The following LRP1B variants were observed in gnomAD, a reference collection of about 807,000 sequenced individuals.
LRP1B encodes low-density lipoprotein receptor-related protein 1B.
LRP1B carries 217 observed loss-of-function variants against 556.6 expected under a neutral mutation model. The observed-to-expected ratio is 0.39, with a 90% CI of 0.35 to 0.44. LRP1B has a LOEUF of 0.44. Ranked by LOEUF, LRP1B falls within the 20% of genes least tolerant of loss-of-function variation. The pLI, the probability that LRP1B is intolerant of heterozygous loss-of-function variation, is 1.00. For synonymous variants in LRP1B, 2,047 were observed against 1,865.8 expected (o/e 1.10, Z -2.50); for missense variants, 5,053 against 5,620.8 (o/e 0.90, Z 3.23).
intron 3 of LRP1B, among the ~76,000 whole-genome samples, chr2:141,260,341 T>C (rs1684638021): frequency 6.6e-6 from 1 of 152,214 alleles, no homozygotes; most frequent in African/African-American, 2.4e-5. Context: ...CTAATTTGCA[T>C]AGCTTTTAGG....
At chr2:140,507,501 A>T (rs1027527021) in intron 52 of LRP1B, among the ~76,000 whole-genome samples, 5 of 152,188 alleles carry the variant, frequency 3.3e-5, no homozygotes, top group Non-Finnish European at 5.9e-5. Flanking sequence ...GCCCCTCCGT[A>T]AGTACCACAC....
intron 20 of LRP1B, among the ~76,000 whole-genome samples, chr2:140,928,793 G>A (rs1203313202): frequency 1.3e-5 from 2 of 152,082 alleles, no homozygotes; most frequent in Non-Finnish European, 2.9e-5. Flanking sequence ...TGACGAGAAA[G>A]AGCTAGCCAT....
At chr2:141,610,326 A>ACTTTAAAACTTAAGT (rs148561392) in intron 2 of LRP1B, among the ~76,000 whole-genome samples, 1 of 147,452 alleles carries the variant, frequency 6.8e-6, no homozygotes, top group Non-Finnish European at 1.5e-5. Context: ...AAAGTATAAT[A>ACTTTAAAACTTAAGT]ATAATAATAA....
chr2:141,131,531 C>T (rs1319789312), intron 7 of LRP1B, among the ~76,000 whole-genome samples: 2 of 148,848 alleles, frequency 1.3e-5, no homozygotes, highest in African/African-American at 4.9e-5. Context: ...CTCTTTTTTC[C>T]AATGGGAAGA....
chr2:140,391,481 A>T (rs1451489619), intron 66 of LRP1B, among the ~76,000 whole-genome samples: 2 of 139,724 alleles, frequency 1.4e-5, no homozygotes, highest in Non-Finnish European at 3.3e-5. Context: ...ACTGTAGAAG[A>T]AACTCATCAA....
intron 67 of LRP1B, among the ~76,000 whole-genome samples, chr2:140,384,511 C>T (rs1179193213): frequency 6.6e-6 from 1 of 152,204 alleles, no homozygotes; most frequent in East Asian, 1.9e-4. Context: ...AGACTGTGAC[C>T]TGTTAGAAGA....
chr2:142,004,822 A>T (rs1702754158), intron 1 of LRP1B, among the ~76,000 whole-genome samples: 1 of 152,018 alleles, frequency 6.6e-6, no homozygotes, highest in Non-Finnish European at 1.5e-5. Flanking sequence ...ACTGCACTCC[A>T]GTCTGGGCGA....
intron 53 of LRP1B, among the ~76,000 whole-genome samples, chr2:140,506,241 T>A (rs1370236310): frequency 1.4e-5 from 2 of 142,690 alleles, no homozygotes; most frequent in East Asian, 3.9e-4. Flanking sequence ...AATTTTAATT[T>A]ATTTATTTAT....
chr2:141,391,155 TA>T, intron 3 of LRP1B, among the ~76,000 whole-genome samples: 1 of 152,328 alleles, frequency 6.6e-6, no homozygotes, highest in Non-Finnish European at 1.5e-5. Context: ...ATAGTCGTTA[TA>T]CAATGCAGAG....
chr2:141,044,768 CAACA>C (rs1390926006), intron 11 of LRP1B, among the ~76,000 whole-genome samples: 1 of 148,472 alleles, frequency 6.7e-6, no homozygotes, highest in African/African-American at 2.5e-5. Flanking sequence ...AGTCAGGAAA[CAACA>C]GGTGCTGGAG....
intron 66 of LRP1B, among the ~76,000 whole-genome samples, chr2:140,432,201 A>AC (rs1357420449): frequency 1.1e-4 from 17 of 151,790 alleles, no homozygotes; most frequent in Non-Finnish European, 2.1e-4. Context: ...GCACCTTGTG[A>AC]CCCCCACATC....
chr2:140,690,129 G>T (rs746558080), intron 41 of LRP1B, among the ~76,000 whole-genome samples: 9 of 150,468 alleles, frequency 6.0e-5, no homozygotes, highest in Non-Finnish European at 1.0e-4. Flanking sequence ...CCCTCTCTCA[G>T]ACCTGAAAAA....
At chr2:140,959,935 C>T (rs553952269) in intron 18 of LRP1B, among the ~76,000 whole-genome samples, 4 of 151,684 alleles carry the variant, frequency 2.6e-5, no homozygotes, top group Non-Finnish European at 5.9e-5. Flanking sequence ...AAGGAATAGA[C>T]ACTTCAGGGC....
chr2:140,374,597 T>G (rs1465451271), intron 68 of LRP1B, among the ~76,000 whole-genome samples: 1 of 152,192 alleles, frequency 6.6e-6, no homozygotes, highest in Non-Finnish European at 1.5e-5. Context: ...CACCGCTGTA[T>G]TCTCCATACT....
chr2:140,778,234 C>A (rs772699744), intron 32 of LRP1B, among the ~76,000 whole-genome samples: 11 of 152,078 alleles, frequency 7.2e-5, no homozygotes, highest in Non-Finnish European at 1.6e-4. Context: ...TTTCATAGAA[C>A]ATCATTTTAT....
At chr2:140,697,563 A>T (rs1686476387) in intron 41 of LRP1B, among the ~76,000 whole-genome samples, 1 of 152,136 alleles carries the variant, frequency 6.6e-6, no homozygotes, top group African/African-American at 2.4e-5. Flanking sequence ...ATGACTGGAT[A>T]AAAATATGTG....
intron 2 of LRP1B, among the ~76,000 whole-genome samples, chr2:141,490,458 A>G (rs4574055): frequency 0.25 from 37,096 of 151,366 alleles, 5,649 homozygotes; most frequent in East Asian, 0.48. Flanking sequence ...GCAAGTTGGC[A>G]CCTGAATCCA....
intron 6 of LRP1B, among the ~76,000 whole-genome samples, chr2:141,227,446 C>A (rs879837640): frequency 3.9e-5 from 6 of 152,084 alleles, no homozygotes; most frequent in Non-Finnish European, 7.4e-5. Flanking sequence ...TATCAGAAGG[C>A]AAATAATCCT....
Position 141,016,116 on chromosome 2 carries a change from A to C in LRP1B, c.1971-201T>G, listed in dbSNP as rs72975025. Reference sequence around the variant, plus strand: ...ATTTGTTTGGTAGAACTGTGCATTTACACTTATTACAGAAAAGCCAACTAC... The same window carrying C: ...ATTTGTTTGGTAGAACTGTGCATTTCCACTTATTACAGAAAAGCCAACTAC... On this transcript the variant is annotated intron_variant, in intron 12 of 90. Transcript: ENST00000389484. Among the ~76,000 whole-genome samples, 421 of 152,194 alleles carry C rather than the reference A, an allele frequency of 2.8e-3. 4 individuals are homozygous for C. Among genetic ancestry groups the C allele is most frequent in the African/African-American group, 8.7e-3 (361 of 41,552 alleles).
Sources: gnomAD v4.1 joint callset for allele counts (sites outside exome capture counted in the v4.1 genomes callset) on GRCh38, gnomAD v4.1.1 for gene constraint, MANE v1.5 for transcripts, NCBI Gene and HGNC (gene_info 2026-07-23, HGNC 2026-07-21) for gene names.